Variants in DOCK8 observed in about 807,000 individuals in gnomAD.
The protein encoded by DOCK8 is dedicator of cytokinesis protein 8.
DOCK8 carries 141 observed loss-of-function variants against 245.6 expected under a neutral mutation model. The observed-to-expected ratio is 0.57, with a 90% CI of 0.50 to 0.66. The LOEUF is 0.66. DOCK8 is among the 30% of genes least tolerant of loss of function. DOCK8 has a pLI of 0.00. For missense variants in DOCK8, 2,965 were observed against 2,603.4 expected, an observed-to-expected ratio of 1.14 and a Z score of -3.02; for synonymous variants, 1,168 against 970.2, an observed-to-expected ratio of 1.20 and a Z score of -3.79.
At chr9:219,274 G>T (rs537556943) in intron 1 of DOCK8, among the ~76,000 whole-genome samples, 1 of 151,890 alleles carries the variant, frequency 6.6e-6, no homozygotes, top group Non-Finnish European at 1.5e-5. Flanking sequence ...GTTCAAGACC[G>T]GCCTGGCCAA....
At chr9:249,811 G>A (rs546340) in intron 1 of DOCK8, among the ~76,000 whole-genome samples, 47,979 of 148,794 alleles carry the variant, frequency 0.32, 8,022 homozygotes, top group East Asian at 0.39. Flanking sequence ...TATTTTTAGT[G>A]GGCAAGGGGT....
intron 33 of DOCK8, among the ~76,000 whole-genome samples, chr9:425,806 A>G (rs1564053810): frequency 6.6e-6 from 1 of 152,040 alleles, no homozygotes; most frequent in African/African-American, 2.4e-5. Flanking sequence ...TTTTACACAT[A>G]TATTATCACT....
At chr9:296,434 C>T (rs2049262318) in intron 4 of DOCK8, among the ~76,000 whole-genome samples, 1 of 152,160 alleles carries the variant, frequency 6.6e-6, no homozygotes, top group African/African-American at 2.4e-5. Context: ...TGAAACATTT[C>T]ATGAGTGTTA....
At chr9:424,333 A>G (rs940278962) in intron 33 of DOCK8, among the ~76,000 whole-genome samples, 4 of 152,108 alleles carry the variant, frequency 2.6e-5, no homozygotes, top group Admixed American at 6.5e-5. Context: ...AGTATTTGGT[A>G]AAACTTCCCA....
intron 2 of DOCK8, among the ~76,000 whole-genome samples, chr9:284,218 T>C (rs764443083): frequency 1.3e-5 from 2 of 152,172 alleles, no homozygotes; most frequent in African/African-American, 2.4e-5. Flanking sequence ...CTGTGGCAGA[T>C]TGGCAGATGC....
intron 35 of DOCK8, among the ~76,000 whole-genome samples, chr9:429,387 A>G (rs2056624609): frequency 6.6e-6 from 1 of 152,196 alleles, no homozygotes; most frequent in African/African-American, 2.4e-5. Context: ...CATCACCAGT[A>G]ATTTCCCAGG....
At chr9:385,749 C>A (rs2053925099) in intron 22 of DOCK8, among the ~76,000 whole-genome samples, 1 of 152,194 alleles carries the variant, frequency 6.6e-6, no homozygotes, top group Admixed American at 6.5e-5. Flanking sequence ...TTCAGTAATA[C>A]CACTTTCTGA....
intron 27 of DOCK8, among the ~76,000 whole-genome samples, chr9:406,474 G>C (rs1586938606): frequency 7.4e-6 from 1 of 135,514 alleles, no homozygotes; most frequent in East Asian, 2.2e-4. Flanking sequence ...GTAACAGAGT[G>C]ACACTCTGTC....
intron 8 of DOCK8, among the ~76,000 whole-genome samples, chr9:327,482 C>T (rs2050816165): frequency 6.6e-6 from 1 of 151,564 alleles, no homozygotes; most frequent in Non-Finnish European, 1.5e-5. Context: ...CACCCTCTGC[C>T]TCCCGGGTTC....
chr9:392,286 C>A (rs890269975), intron 24 of DOCK8, among the ~76,000 whole-genome samples: 4 of 151,986 alleles, frequency 2.6e-5, no homozygotes, highest in African/African-American at 7.3e-5. Flanking sequence ...AACAAATGAA[C>A]CATCCACTGG....
chr9:403,336 A>G (rs940614546), intron 26 of DOCK8, among the ~76,000 whole-genome samples: 5 of 152,362 alleles, frequency 3.3e-5, no homozygotes, highest in Middle Eastern at 3.4e-3. Flanking sequence ...AGTGACAGGC[A>G]CATGACCAAG....
intron 18 of DOCK8, among the ~76,000 whole-genome samples, chr9:373,151 A>T (rs572345589): frequency 3.3e-5 from 5 of 152,318 alleles, no homozygotes; most frequent in Non-Finnish European, 7.3e-5. Context: ...TGGGTGACAG[A>T]GTGAGACTCC....
Position 434,981 on chromosome 9 carries a change from G to T in DOCK8, c.5079+6G>T. 6.2e-7 allele frequency: 1 copy of T among 1,612,126 alleles called. No homozygotes were observed. ...TGGGCAGTGTCAGCTTCCAGGTAGG[G>T]TGTGTGCAGCTTTTCCCTTAGAGCA... On this transcript the variant is annotated splice_donor_region_variant and intron_variant, in intron 39 of 47. Coordinates refer to ENST00000432829, the MANE Select transcript of DOCK8 (RefSeq NM_203447.4).
chr9:242,752 A>T (rs2047404021), intron 1 of DOCK8, among the ~76,000 whole-genome samples: 1 of 151,318 alleles, frequency 6.6e-6, no homozygotes, highest in Admixed American at 6.6e-5. Context: ...ACGAGTCAAA[A>T]CTTACTTGTT....
chr9:378,672 A>T (rs1349870393), intron 20 of DOCK8, among the ~76,000 whole-genome samples: 1 of 152,232 alleles, frequency 6.6e-6, no homozygotes, highest in African/African-American at 2.4e-5. Context: ...TTCACCAGAC[A>T]AAAATATTTA....
chr9:273,856 A>G (rs985434773), intron 2 of DOCK8, among the ~76,000 whole-genome samples: 5 of 151,894 alleles, frequency 3.3e-5, no homozygotes, highest in Admixed American at 6.6e-5. Flanking sequence ...ACAGGCATGC[A>G]CCATCACATC....
chr9:310,433 C>T (rs2050046573), intron 5 of DOCK8, among the ~76,000 whole-genome samples: 1 of 152,144 alleles, frequency 6.6e-6, no homozygotes, highest in Admixed American at 6.5e-5. Context: ...TTGATTTTTA[C>T]AGTTTTAAAA....
At position 362,321 on chromosome 9, in the gene DOCK8, G is replaced by A. The variant is rs191853849; in HGVS notation, c.1680-5697G>A. Among the ~76,000 whole-genome samples, 28 of 152,248 alleles carry A rather than the reference G, an allele frequency of 1.8e-4. No individual in the cohort carries two copies. In the East Asian group the frequency reaches 2.9e-3, roughly 16 times the overall value. ...ACAGAAGAAATAACCCCAACTTCATGAACCCTATTCCCATGACCTATTTGC... is the reference window on the plus strand; with the variant it reads ...ACAGAAGAAATAACCCCAACTTCATAAACCCTATTCCCATGACCTATTTGC... On this transcript the variant is annotated intron_variant, in intron 14 of 47. Coordinates refer to ENST00000432829, the MANE Select transcript of DOCK8 (RefSeq NM_203447.4).
chr9:450,056 C>G (rs2057379416), intron 45 of DOCK8, 129 bp downstream of exon 45: 1 of 1,021,436 alleles, frequency 9.8e-7, no homozygotes, highest in African/African-American at 1.6e-5. Context: ...TGTTCCTACA[C>G]TTAACCTGAA....
Sources: allele counts gnomAD v4.1 joint callset (sites outside exome capture counted in the v4.1 genomes callset), GRCh38; gene constraint gnomAD v4.1.1; transcripts MANE v1.5; gene names NCBI Gene and HGNC (gene_info 2026-07-23, HGNC 2026-07-21).